Variants in SMYD3 observed in about 807,000 individuals in gnomAD.
SMYD3 encodes the protein histone-lysine N-methyltransferase SMYD3.
A neutral mutation model predicts 57.7 loss-of-function variants in SMYD3; 36 were observed. That is an observed-to-expected ratio of 0.62 (90% CI 0.48 to 0.82). The LOEUF is 0.82. Ranked by LOEUF, SMYD3 falls within the 40% of genes least tolerant of loss-of-function variation. The pLI is 0.00. For synonymous variants in SMYD3, 211 were observed against 195.0 expected, an observed-to-expected ratio of 1.08 and a Z score of -0.68; for missense variants, 515 against 538.8, an observed-to-expected ratio of 0.96 and a Z score of 0.44.
chr1:246,096,752 A>T (rs1476826019), intron 5 of SMYD3, among the ~76,000 whole-genome samples: 2 of 147,174 alleles, frequency 1.4e-5, no homozygotes, highest in Non-Finnish European at 2.9e-5. Flanking sequence ...AATGGTTATG[A>T]TTGTAACAAA....
chr1:245,821,360 T>C (rs544887842), intron 10 of SMYD3, among the ~76,000 whole-genome samples: 49 of 130,462 alleles, frequency 3.8e-4, no homozygotes, highest in African/African-American at 1.2e-3. Flanking sequence ...AAGCTGAAAC[T>C]GGATCCCTTT....
intron 5 of SMYD3, among the ~76,000 whole-genome samples, chr1:246,285,981 T>A (rs948327298): frequency 5.9e-5 from 9 of 151,968 alleles, no homozygotes; most frequent in Non-Finnish European, 8.8e-5. Context: ...CAAAAAAATT[T>A]AAAAAAAATA....
In SMYD3 at chr1:245,982,617, C is replaced by T. The variant is rs144119481; in HGVS notation, c.532-52680G>A. ...GGTTTTGTTTTGTTTTTTACTAATC[C>T]CCTTCTAAACCCACTTAATTTGTAT... is the stretch of plus-strand genomic sequence containing the variant. On this transcript the variant is annotated intron_variant, in intron 5 of 11. Transcript: ENST00000490107. Among the ~76,000 whole-genome samples the T allele has an allele frequency of 8.7e-3, 1,327 of 152,044 alleles. 25 individuals carry two copies. Among genetic ancestry groups the T allele is most frequent in the African/African-American group, 0.03 (1,253 of 41,468 alleles).
intron 1 of SMYD3, among the ~76,000 whole-genome samples, chr1:246,379,111 C>G (rs1050178824): frequency 1.7e-4 from 22 of 131,338 alleles, no homozygotes; most frequent in African/African-American, 5.6e-4. Context: ...CACACACACA[C>G]ACATATATTC....
At chr1:246,381,330 T>C (rs572177273) in intron 1 of SMYD3, among the ~76,000 whole-genome samples, 3 of 152,184 alleles carry the variant, frequency 2.0e-5, no homozygotes, top group African/African-American at 7.2e-5. Flanking sequence ...AGTTTTTCCA[T>C]AAAAAAATAA....
At chr1:245,945,302 A>G (rs1051656358) in intron 5 of SMYD3, among the ~76,000 whole-genome samples, 4 of 152,196 alleles carry the variant, frequency 2.6e-5, no homozygotes, top group Non-Finnish European at 5.9e-5. Flanking sequence ...AAACAGCCCC[A>G]TTAAAAAAAT....
At chr1:246,020,231 T>C (rs904708959) in intron 5 of SMYD3, among the ~76,000 whole-genome samples, 2 of 152,258 alleles carry the variant, frequency 1.3e-5, no homozygotes, top group Non-Finnish European at 2.9e-5. Context: ...AAGCAAAATC[T>C]ATACTGATTT....
chr1:246,111,759 C>T (rs1317066863), intron 5 of SMYD3, among the ~76,000 whole-genome samples: 2 of 152,204 alleles, frequency 1.3e-5, no homozygotes, highest in Non-Finnish European at 2.9e-5. Flanking sequence ...TGGAGTGGAA[C>T]AGTGACACTG....
chr1:245,987,029 C>T (rs142670200), intron 5 of SMYD3, among the ~76,000 whole-genome samples: 100 of 152,246 alleles, frequency 6.6e-4, no homozygotes, highest in Middle Eastern at 3.4e-3. Flanking sequence ...TCACCACTTG[C>T]GGATGAATAG....
At chr1:246,214,826 A>C (rs2063139921) in intron 5 of SMYD3, among the ~76,000 whole-genome samples, 1 of 152,190 alleles carries the variant, frequency 6.6e-6, no homozygotes, top group Non-Finnish European at 1.5e-5. Context: ...GAGAATAGCA[A>C]AGCCATTTTG....
intron 5 of SMYD3, among the ~76,000 whole-genome samples, chr1:245,966,582 T>C (rs2058154735): frequency 6.6e-6 from 1 of 152,228 alleles, no homozygotes; most frequent in Non-Finnish European, 1.5e-5. Context: ...ACTAAAATCA[T>C]GGACTATTTC....
rs1002276953 is a variant in SMYD3 at position 246,355,854 on chromosome 1, A to G, written c.165-760T>C. On this transcript the variant is annotated intron_variant, in intron 1 of 11. Transcript: ENST00000490107. The surrounding 1 kb of genome is among the most constrained non-coding windows in gnomAD (Gnocchi z 5.0). Reference sequence around the variant, plus strand: ...CCCTGCCCCCTGGTGGTCTTTCTCTACCAGCCCTGGGTGCCAAAGACAAAG... The same window carrying G: ...CCCTGCCCCCTGGTGGTCTTTCTCTGCCAGCCCTGGGTGCCAAAGACAAAG... Among the ~76,000 whole-genome samples the G allele has an allele frequency of 6.6e-6, 1 of 152,090 alleles. No individual in the cohort carries two copies. The highest frequency in any genetic ancestry group is 1.5e-5 in the Non-Finnish European group (1 of 68,010).
intron 5 of SMYD3, among the ~76,000 whole-genome samples, chr1:246,257,289 T>C (rs116062792): frequency 0.014 from 2,107 of 152,310 alleles, 45 homozygotes; most frequent in African/African-American, 0.047. Flanking sequence ...TGTGGTTGTC[T>C]AAGTCTTTTC....
chr1:246,153,730 C>T lies in SMYD3; in HGVS notation c.531+173471G>A, dbSNP rs192814833. Among the ~76,000 whole-genome samples the T allele has an allele frequency of 7.4e-3, 1,127 of 152,246 alleles. 3 individuals are homozygous for T. The highest frequency in any genetic ancestry group is 0.011 in the Non-Finnish European group (781 of 68,010). ...CAAGCAATCCTCCTGCCTTGGCCTC[C>T]CAAAGCCTGGGATTACAAGTGTGAG... On this transcript the variant is annotated intron_variant, in intron 5 of 11. Coordinates refer to ENST00000490107, the MANE Select transcript of SMYD3 (RefSeq NM_001167740.2).
chr1:246,067,754 A>G (rs2060367630), intron 5 of SMYD3, among the ~76,000 whole-genome samples: 2 of 152,206 alleles, frequency 1.3e-5, no homozygotes, highest in South Asian at 4.2e-4. Context: ...ATCTCCTCTT[A>G]TTTCCTTTGA....
chr1:246,275,406 T>C (rs10924665), intron 5 of SMYD3, among the ~76,000 whole-genome samples: 11,547 of 92,804 alleles, frequency 0.12, 1,490 homozygotes, highest in East Asian at 0.44. Flanking sequence ...TTATTTAATG[T>C]TTCTAGTGGA....
chr1:246,414,787 G>C (rs190187622), intron 1 of SMYD3, among the ~76,000 whole-genome samples: 1 of 137,784 alleles, frequency 7.3e-6, no homozygotes, highest in African/African-American at 2.8e-5. Flanking sequence ...GCATGCTATC[G>C]GCTCACAGCA....
intron 1 of SMYD3, among the ~76,000 whole-genome samples, chr1:246,491,819 T>G (rs1045519608): frequency 2.6e-5 from 4 of 152,210 alleles, no homozygotes; most frequent in Non-Finnish European, 4.4e-5. Flanking sequence ...GGTGTCCTTC[T>G]GTTGAACATA....
At chr1:245,915,076 A>C (rs1467858778) in intron 8 of SMYD3, among the ~76,000 whole-genome samples, 2 of 152,200 alleles carry the variant, frequency 1.3e-5, no homozygotes, top group African/African-American at 4.8e-5. Context: ...CTCACTAAGT[A>C]GGGTAAATTT....
Sources: gnomAD v4.1 joint callset for allele counts (sites outside exome capture counted in the v4.1 genomes callset) on GRCh38, gnomAD v4.1.1 for gene constraint, Gnocchi (gnomAD v3.1) non-coding constraint, MANE v1.5 for transcripts, NCBI Gene and HGNC (gene_info 2026-07-23, HGNC 2026-07-21) for gene names.